GALK2: variants seen among roughly 807,000 people sequenced by gnomAD.
GALK2 encodes the protein N-acetylgalactosamine kinase.
In GALK2, 36 loss-of-function variants were observed where a neutral mutation model predicts 52.4. The observed-to-expected ratio is 0.69, with a 90% CI of 0.53 to 0.91. The LOEUF (loss-of-function observed/expected upper bound fraction) is 0.91. Ranked by LOEUF, GALK2 falls within the 40% of genes least tolerant of loss-of-function variation. GALK2 has a pLI of 0.00. For missense variants in GALK2, 579 were observed against 559.1 expected, an observed-to-expected ratio of 1.04 and a Z score of -0.36; for synonymous variants, 176 against 199.1, an observed-to-expected ratio of 0.88 and a Z score of 0.98.
intron 2 of GALK2, among the ~76,000 whole-genome samples, chr15:49,211,924 G>A (rs2088933412): frequency 6.6e-6 from 1 of 152,058 alleles, no homozygotes; most frequent in South Asian, 2.1e-4. Flanking sequence ...ACAGATCCAA[G>A]CCATATCATA....
At chr15:49,275,519 T>A (rs1472613561) in intron 5 of GALK2, among the ~76,000 whole-genome samples, 1 of 152,236 alleles carries the variant, frequency 6.6e-6, no homozygotes, top group African/African-American at 2.4e-5. Flanking sequence ...TCTCTTGACT[T>A]GCACTTATGG....
At chr15:49,267,358 G>C (rs768347593) in intron 5 of GALK2, among the ~76,000 whole-genome samples, 16 of 152,168 alleles carry the variant, frequency 1.1e-4, no homozygotes, top group Admixed American at 2.6e-4. Context: ...AGATATCAAG[G>C]GTGATCAGAT....
chr15:49,245,351 G>A (rs75289479), intron 5 of GALK2, among the ~76,000 whole-genome samples: 3,856 of 152,230 alleles, frequency 0.025, 92 homozygotes, highest in African/African-American at 0.051. Flanking sequence ...GGCTGCCTTT[G>A]TTGTTGTTAT....
At chr15:49,203,696 T>TGAA (rs2087993150) in intron 2 of GALK2, among the ~76,000 whole-genome samples, 14 of 152,362 alleles carry the variant, frequency 9.2e-5, no homozygotes, top group Non-Finnish European at 1.6e-4. Flanking sequence ...TTAAATTCAT[T>TGAA]TTTATAAATG....
intron 5 of GALK2, among the ~76,000 whole-genome samples, chr15:49,256,551 T>A (rs2091823525): frequency 6.6e-6 from 1 of 152,218 alleles, no homozygotes; most frequent in South Asian, 2.1e-4. Flanking sequence ...TTTCCTCATC[T>A]ATAGGAGGCA....
At position 49,236,029 on chromosome 15, in the gene GALK2, C is replaced by T. The variant is rs2090782494; in HGVS notation, c.357+88C>T. On this transcript the variant is annotated intron_variant, in intron 4 of 9. Coordinates refer to ENST00000560031, the MANE Select transcript of GALK2 (RefSeq NM_002044.4). The stretch of plus-strand genomic sequence containing the variant: ...ATTTTATTTACTACATCTTTTTCAT[C>T]TCCTTACAGTACTAACCGATGCTTC... 1.7e-5 allele frequency: 14 copies of T among 825,740 alleles called. No homozygotes were observed. In the South Asian group the frequency reaches 1.9e-4, roughly 11 times the overall value. 51.2% of individuals were successfully genotyped at this position (825,740 alleles called of 1,614,324 possible). A position where few individuals can be genotyped will look rare whatever the true frequency, so the allele number is the denominator to read the frequency against.
intron 5 of GALK2, 53 bp downstream of exon 5, chr15:49,239,420 C>T: frequency 6.5e-7 from 1 of 1,529,390 alleles, no homozygotes. Context: ...TAATCATTAG[C>T]ATCCAAATCT....
At chr15:49,365,231 TCCTTA>T in intron 3 of GALK2, 1 of 1,041,270 alleles carries the variant, frequency 9.6e-7, no homozygotes, top group Non-Finnish European at 1.5e-6. Flanking sequence ...CTTTTTCATT[TCCTTA>T]CATTTCCAGG....
At chr15:49,285,864 T>C (rs1432069693) in intron 7 of GALK2, among the ~76,000 whole-genome samples, 1 of 152,130 alleles carries the variant, frequency 6.6e-6, no homozygotes, top group Non-Finnish European at 1.5e-5. Context: ...TCCTATTTCG[T>C]TGGAATAAAG....
exon 4 of GALK2, chr15:49,367,511 A>G: frequency 6.2e-7 from 1 of 1,606,716 alleles, no homozygotes; most frequent in Non-Finnish European, 8.5e-7. Flanking sequence ...AATACCAGCC[A>G]GCTCATGCAT....
At chr15:49,231,743 C>T (rs1175213926) in intron 3 of GALK2, among the ~76,000 whole-genome samples, 1 of 152,194 alleles carries the variant, frequency 6.6e-6, no homozygotes, top group African/African-American at 2.4e-5. Context: ...AAGTTTGAAA[C>T]CCAGCAAGGG....
chr15:49,184,290 C>T (rs1017211040), intron 1 of GALK2, among the ~76,000 whole-genome samples: 1 of 151,706 alleles, frequency 6.6e-6, no homozygotes, highest in African/African-American at 2.4e-5. Flanking sequence ...TATAGCTACA[C>T]CTGCTCTTTT....
chr15:49,340,213 A>G (rs2040463693), intron 3 of GALK2, among the ~76,000 whole-genome samples: 1 of 152,110 alleles, frequency 6.6e-6, no homozygotes, highest in Admixed American at 6.5e-5. Context: ...ACAGCCGCCC[A>G]GTTTTGTGCT....
chr15:49,252,702 A>G (rs570726715), intron 5 of GALK2, among the ~76,000 whole-genome samples: 6 of 105,920 alleles, frequency 5.7e-5, no homozygotes, highest in South Asian at 3.1e-4. Context: ...AAATCCCAGA[A>G]CATAAAGTTA....
chr15:49,258,700 T>C (rs2091922080), intron 5 of GALK2, among the ~76,000 whole-genome samples: 1 of 151,664 alleles, frequency 6.6e-6, no homozygotes, highest in African/African-American at 2.4e-5. Context: ...AAAAAGCAAG[T>C]AGAAAATGAG....
chr15:49,167,117 T>C (rs1025556785), upstream of GALK2, among the ~76,000 whole-genome samples: 11 of 152,224 alleles, frequency 7.2e-5, no homozygotes, highest in Non-Finnish European at 4.4e-5. Flanking sequence ...AGTGTTTGTT[T>C]TGTTTTTGTT....
intron 8 of GALK2, among the ~76,000 whole-genome samples, chr15:49,293,821 C>T (rs537823135): frequency 2.0e-5 from 3 of 152,072 alleles, no homozygotes; most frequent in South Asian, 2.1e-4. Flanking sequence ...AGCTTAAGGC[C>T]GGGTGCAGGG....
intron 1 of GALK2, among the ~76,000 whole-genome samples, chr15:49,191,323 G>GTCTC (rs371849077): frequency 1.8e-3 from 275 of 151,462 alleles, no homozygotes; most frequent in African/African-American, 6.4e-3. Context: ...TTTGGCTATT[G>GTCTC]TCTCTCTCTC....
At chr15:49,235,684 T>C (rs2141480583) in intron 3 of GALK2, 167 bp from the exon 4 acceptor site, 2 of 747,964 alleles carry the variant, frequency 2.7e-6, no homozygotes, top group South Asian at 2.8e-5. Flanking sequence ...ACTTCCTCTC[T>C]TAACTCTTAG....
Sources: allele counts gnomAD v4.1 joint callset (sites outside exome capture counted in the v4.1 genomes callset), GRCh38; gene constraint gnomAD v4.1.1; transcripts MANE v1.5; gene names NCBI Gene and HGNC (gene_info 2026-07-23, HGNC 2026-07-21).